Variants in UVRAG observed in about 807,000 individuals in gnomAD.
UVRAG encodes UV radiation resistance associated.
UVRAG carries 19 observed loss-of-function variants against 78.0 expected under a neutral mutation model. The ratio of observed to expected loss-of-function variants is 0.24; its 90% confidence interval spans 0.17 to 0.36. The LOEUF (loss-of-function observed/expected upper bound fraction) is 0.36. Ranked by LOEUF, UVRAG falls within the 10% of genes least tolerant of loss-of-function variation. The pLI is 1.00. For missense variants in UVRAG, 740 were observed against 853.8 expected, an observed-to-expected ratio of 0.87 and a Z score of 1.66; for synonymous variants, 323 against 324.6, an observed-to-expected ratio of 1.00 and a Z score of 0.05.
In UVRAG at chr11:75,928,939, C is replaced by CAAAAAAAAA. The variant is rs368913080; in HGVS notation, c.593+16917_593+16925dup. Among the ~76,000 whole-genome samples, 59 of 67,484 alleles carry CAAAAAAAAA rather than the reference C, an allele frequency of 8.7e-4. 7 individuals carry two copies. Among genetic ancestry groups the CAAAAAAAAA allele is most frequent in the African/African-American group, 4.1e-3 (53 of 12,786 alleles). The allele number at this position is 67,484 out of a possible 152,430, so 44.3% of individuals were successfully genotyped here. A position where few individuals can be genotyped will look rare whatever the true frequency, so the allele number is the denominator to read the frequency against. ...CCTGGGCGACAGAGCGAGACTGTCTCAAAAAAAAAAAAAAAAAAAAAAAAA... is the reference window on the plus strand; with the variant it reads ...CCTGGGCGACAGAGCGAGACTGTCTCAAAAAAAAAAAAAAAAAAAAAAAAAAAAAAAAAA... On this transcript the variant is annotated intron_variant, in intron 6 of 14. Coordinates refer to ENST00000356136, the MANE Select transcript of UVRAG (RefSeq NM_003369.4).
At chr11:75,878,923 G>A (rs1229587782) in intron 3 of UVRAG, among the ~76,000 whole-genome samples, 3 of 151,258 alleles carry the variant, frequency 2.0e-5, no homozygotes, top group Non-Finnish European at 2.9e-5. Context: ...GGGAGGGAGA[G>A]GGAGAGGGAG....
At chr11:75,878,985 G>A (rs1946880429) in intron 3 of UVRAG, among the ~76,000 whole-genome samples, 1 of 152,090 alleles carries the variant, frequency 6.6e-6, no homozygotes. Flanking sequence ...AGTAGTTGAT[G>A]TATTACATTG....
At chr11:75,815,622 G>A (rs1265593954) in intron 1 of UVRAG, 98 bp downstream of exon 1, 106 of 742,394 alleles carry the variant, frequency 1.4e-4, no homozygotes, top group Non-Finnish European at 7.4e-6. Context: ...GGGACACCCA[G>A]AGCAGGGACC....
intron 6 of UVRAG, among the ~76,000 whole-genome samples, chr11:75,938,053 ATATG>A (rs2135127754): frequency 6.6e-6 from 1 of 151,840 alleles, no homozygotes; most frequent in Non-Finnish European, 1.5e-5. Flanking sequence ...TCCTTTAAAA[ATATG>A]TGTGTGTATA....
At chr11:75,864,316 A>G (rs1946490260) in intron 3 of UVRAG, among the ~76,000 whole-genome samples, 1 of 152,212 alleles carries the variant, frequency 6.6e-6, no homozygotes, top group Non-Finnish European at 1.5e-5. Flanking sequence ...TCAGCCTCCC[A>G]AAGTGCTGGG....
At chr11:75,878,873 G>A (rs898627962) in intron 3 of UVRAG, among the ~76,000 whole-genome samples, 2 of 146,270 alleles carry the variant, frequency 1.4e-5, no homozygotes, top group African/African-American at 5.2e-5. Context: ...GAGAGAGACC[G>A]TGGGGAGACG....
At chr11:76,119,281 A>G (rs988856793) in intron 14 of UVRAG, among the ~76,000 whole-genome samples, 54 of 151,874 alleles carry the variant, frequency 3.6e-4, no homozygotes, top group African/African-American at 1.3e-3. Flanking sequence ...TAGCTTCTCC[A>G]TGGCCCCATC....
intron 12 of UVRAG, among the ~76,000 whole-genome samples, chr11:76,057,325 C>T (rs527763305): frequency 6.6e-6 from 1 of 152,228 alleles, no homozygotes; most frequent in Non-Finnish European, 1.5e-5. Context: ...CTGTTACTTT[C>T]TGTGTTACTT....
intron 12 of UVRAG, among the ~76,000 whole-genome samples, chr11:76,058,618 CAAAT>C (rs771928114): frequency 1.3e-5 from 2 of 151,482 alleles, no homozygotes; most frequent in Admixed American, 6.6e-5. Flanking sequence ...ATATAGCTGT[CAAAT>C]AAAGCATGAG....
At chr11:76,107,128 A>G (rs1026432166) in intron 13 of UVRAG, among the ~76,000 whole-genome samples, 21 of 152,254 alleles carry the variant, frequency 1.4e-4, no homozygotes, top group African/African-American at 5.1e-4. Flanking sequence ...TAGTGCTTCT[A>G]GTTGCTTTCT....
rs1468622401 is a variant in UVRAG, at chr11:76,095,890, A to AG, written c.1306-20034_1306-20033insG. 1.1e-3 allele frequency among the ~76,000 whole-genome samples: 164 copies of AG among 151,456 alleles called. 1 individual carries two copies. Among genetic ancestry groups the AG allele is most frequent in the Non-Finnish European group, 2.0e-3 (136 of 67,802 alleles). On this transcript the variant is annotated intron_variant, in intron 13 of 14. Transcript: ENST00000356136. ...TGTCTCAAAAAAAAAAAAAAAAAAA[A>AG]AAGCCCTTAGAGGGAGATGCCACCT...
chr11:75,893,305 T>C (rs1238652273), intron 5 of UVRAG, among the ~76,000 whole-genome samples: 1 of 151,944 alleles, frequency 6.6e-6, no homozygotes, highest in Non-Finnish European at 1.5e-5. Flanking sequence ...GACTTGGGCC[T>C]TCTGGCCACT....
intron 5 of UVRAG, among the ~76,000 whole-genome samples, chr11:75,907,362 A>G (rs569408491): frequency 6.1e-5 from 9 of 148,644 alleles, no homozygotes; most frequent in African/African-American, 2.0e-4. Context: ...GATGCCCTTT[A>G]TCAGGTCTGG....
At chr11:75,845,056 A>G (rs1204168509) in intron 1 of UVRAG, among the ~76,000 whole-genome samples, 1 of 152,194 alleles carries the variant, frequency 6.6e-6, no homozygotes, top group African/African-American at 2.4e-5. Flanking sequence ...ATTTAGGGTC[A>G]TATTGCTCTT....
At position 75,815,397 on chromosome 11, in the gene UVRAG, C is replaced by G; in HGVS notation, c.-11C>G. On this transcript the variant is annotated 5_prime_UTR_variant, in exon 1 of 15. Transcript: ENST00000356136. ...GTGCCCGCCCCGCCGCTTGGCGGCCCCTGGATCGAGATGAGCGCCTCCGCG... is the reference window on the plus strand; with the variant it reads ...GTGCCCGCCCCGCCGCTTGGCGGCCGCTGGATCGAGATGAGCGCCTCCGCG... The G allele has an allele frequency of 8.1e-7, 1 of 1,235,050 alleles. No individual in the cohort carries two copies. Among genetic ancestry groups the G allele is most frequent in the Non-Finnish European group, 1.0e-6 (1 of 984,078 alleles). The allele number at this position is 1,235,050 out of a possible 1,614,324, so 76.5% of individuals were successfully genotyped here. A position where few individuals can be genotyped will look rare whatever the true frequency, so the allele number is the denominator to read the frequency against.
chr11:76,097,755 A>T lies in UVRAG; in HGVS notation c.1306-18169A>T, dbSNP rs146976244. Among the ~76,000 whole-genome samples the T allele has an allele frequency of 4.4e-3, 673 of 152,286 alleles. 5 individuals carry two copies. Among genetic ancestry groups the T allele is most frequent in the African/African-American group, 0.016 (650 of 41,560 alleles). On this transcript the variant is annotated intron_variant, in intron 13 of 14. Transcript: ENST00000356136. ...ACAAGACTGAAGGTGGAACAAAAAGAAATAGTGTTGTTACCATAGCTAGTT... is the reference window on the plus strand; with the variant it reads ...ACAAGACTGAAGGTGGAACAAAAAGTAATAGTGTTGTTACCATAGCTAGTT...
intron 3 of UVRAG, chr11:75,878,558 C>CA (rs1341556402): frequency 1.2e-5 from 2 of 171,076 alleles, no homozygotes; most frequent in African/African-American, 4.8e-5. Flanking sequence ...CACTGCACTC[C>CA]AGCCTGGGCA....
At chr11:76,117,660 A>T (rs540144998) in intron 14 of UVRAG, among the ~76,000 whole-genome samples, 1 of 152,264 alleles carries the variant, frequency 6.6e-6, no homozygotes, top group East Asian at 1.9e-4. Flanking sequence ...CATAATCACA[A>T]TGTAAACTGG....
chr11:75,873,040 A>G (rs1478821621), intron 3 of UVRAG, among the ~76,000 whole-genome samples: 7 of 152,336 alleles, frequency 4.6e-5, no homozygotes, highest in Non-Finnish European at 1.0e-4. Context: ...CAGGTGCCGT[A>G]AGAAAGTTAA....
Sources: gnomAD v4.1 joint callset for allele counts (sites outside exome capture counted in the v4.1 genomes callset) on GRCh38, gnomAD v4.1.1 for gene constraint, MANE v1.5 for transcripts, NCBI Gene and HGNC (gene_info 2026-07-23, HGNC 2026-07-21) for gene names.